Variants in ADAMTSL1 observed in about 807,000 individuals in gnomAD.
The protein encoded by ADAMTSL1 is ADAMTS-like protein 1.
ADAMTSL1 carries 126 observed loss-of-function variants against 201.8 expected under a neutral mutation model. That is an observed-to-expected ratio of 0.62 (90% confidence interval 0.54 to 0.72). The LOEUF (loss-of-function observed/expected upper bound fraction) is 0.72. ADAMTSL1 is among the 30% of genes least tolerant of loss of function. The pLI is 0.00. For synonymous variants in ADAMTSL1, 1,121 were observed against 903.4 expected (o/e 1.24, Z -4.32); for missense variants, 2,679 against 2,277.8 (o/e 1.18, Z -3.59).
At chr9:17,939,869 A>G (rs1357947976) in intron 1 of ADAMTSL1, among the ~76,000 whole-genome samples, 1 of 152,140 alleles carries the variant, frequency 6.6e-6, no homozygotes, top group Non-Finnish European at 1.5e-5. Flanking sequence ...GCCTGAGAGG[A>G]CATGAAGGGG....
intron 14 of ADAMTSL1, among the ~76,000 whole-genome samples, chr9:18,720,582 G>A (rs913647087): frequency 2.0e-5 from 3 of 152,144 alleles, no homozygotes; most frequent in African/African-American, 4.8e-5. Flanking sequence ...TCAGGAGTTC[G>A]AGACAGACTG....
At chr9:18,000,972 G>T (rs1165952629) in intron 1 of ADAMTSL1, among the ~76,000 whole-genome samples, 2 of 152,030 alleles carry the variant, frequency 1.3e-5, no homozygotes, top group Non-Finnish European at 1.5e-5. Flanking sequence ...GAGATGAGAA[G>T]TAGGGGGAAC....
At chr9:18,879,992 A>G (rs1186691798) in intron 23 of ADAMTSL1, among the ~76,000 whole-genome samples, 1 of 152,214 alleles carries the variant, frequency 6.6e-6, no homozygotes, top group African/African-American at 2.4e-5. Flanking sequence ...CCAAGAGTAG[A>G]TTCCATCTCA....
chr9:18,205,229 C>T (rs1407776703), intron 2 of ADAMTSL1, among the ~76,000 whole-genome samples: 1 of 152,112 alleles, frequency 6.6e-6, no homozygotes. Flanking sequence ...CATCAAAAGA[C>T]TTTTAGCATG....
At chr9:18,541,009 C>A (rs543196862) in intron 3 of ADAMTSL1, among the ~76,000 whole-genome samples, 1 of 152,244 alleles carries the variant, frequency 6.6e-6, no homozygotes, top group South Asian at 2.1e-4. Context: ...CTGACCTACC[C>A]AGCTGAAAAA....
intron 2 of ADAMTSL1, among the ~76,000 whole-genome samples, chr9:18,506,811 C>T (rs1308972407): frequency 6.6e-6 from 1 of 152,018 alleles, no homozygotes; most frequent in African/African-American, 2.4e-5. Context: ...GACCAAGAAG[C>T]TTAAAAAATG....
At chr9:18,700,998 G>C (rs1831889593) in intron 13 of ADAMTSL1, among the ~76,000 whole-genome samples, 1 of 152,092 alleles carries the variant, frequency 6.6e-6, no homozygotes, top group Non-Finnish European at 1.5e-5. Flanking sequence ...TTTACAAATA[G>C]ATGCAAAATT....
chr9:18,489,825 A>T lies in ADAMTSL1; in HGVS notation c.64-15004A>T, dbSNP rs577173928. ...CACTTATTTAATTAGACATAAAGAG[A>T]TACTAAATTCCTCTCATCTGTTGAG... On this transcript the variant is annotated intron_variant, in intron 1 of 28. Coordinates refer to ENST00000380548, the MANE Select transcript of ADAMTSL1 (RefSeq NM_001040272.6). Among the ~76,000 whole-genome samples the T allele has an allele frequency of 4.1e-4, 63 of 152,282 alleles. 1 individual carries two copies. In the Middle Eastern group the frequency reaches 0.01, roughly 25 times the overall value.
chr9:18,014,565 G>A (rs937287571), intron 1 of ADAMTSL1, among the ~76,000 whole-genome samples: 3 of 152,056 alleles, frequency 2.0e-5, no homozygotes, highest in Non-Finnish European at 2.9e-5. Flanking sequence ...CAGTTTTAAC[G>A]CAAGTTGGGT....
chr9:18,639,437 T>C, intron 7 of ADAMTSL1, 26 bp downstream of exon 7: 1 of 1,601,174 alleles, frequency 6.2e-7, no homozygotes, highest in Non-Finnish European at 8.5e-7. Flanking sequence ...ATACCTCCTT[T>C]TCAAGCCACA....
rs140024094 is a variant in ADAMTSL1 at position 18,826,339 on chromosome 9, G to A, written c.3990G>A (p.Pro1330=). ...GGAATAAAAGCAAACTGGGCTCCCC[G>A]CACCATCTGCACGAAGGCTCCTTGC... The part of the protein sequence containing the change: ...WFRNKSKLGS[P]HHLHEGSLLL... The change falls in exon 22 of 29, where the codon CCG becomes CCA. Residue 1330 remains proline, a synonymous_variant. Transcript: ENST00000380548. 9.9e-5 allele frequency: 160 copies of A among 1,612,970 alleles called. 2 individuals are homozygous for A. The East Asian group carries it at 3.3e-3, about 33-fold the overall frequency.
At chr9:18,773,447 A>C (rs1798971145) in intron 17 of ADAMTSL1, among the ~76,000 whole-genome samples, 1 of 152,212 alleles carries the variant, frequency 6.6e-6, no homozygotes, top group Non-Finnish European at 1.5e-5. Context: ...AGGAGCTTGA[A>C]AGATCCTATA....
At chr9:18,481,322 A>G (rs1184843820) in intron 1 of ADAMTSL1, among the ~76,000 whole-genome samples, 2 of 152,132 alleles carry the variant, frequency 1.3e-5, no homozygotes, top group African/African-American at 4.8e-5. Context: ...AGGAGGGTGG[A>G]TCACCTGAGG....
intron 4 of ADAMTSL1, 74 bp from the exon 5 acceptor site, chr9:18,622,169 T>C: frequency 5.1e-6 from 8 of 1,565,168 alleles, no homozygotes; most frequent in Non-Finnish European, 6.9e-6. Flanking sequence ...GGTTATTTCA[T>C]GGTGATTGGC....
chr9:18,348,203 C>G (rs1005276462), intron 2 of ADAMTSL1, among the ~76,000 whole-genome samples: 6 of 152,080 alleles, frequency 3.9e-5, no homozygotes, highest in South Asian at 2.1e-4. Context: ...TTATAATGAA[C>G]TTTTAGTTAA....
chr9:18,886,556 T>C (rs1350588567), intron 23 of ADAMTSL1, among the ~76,000 whole-genome samples: 2 of 152,090 alleles, frequency 1.3e-5, no homozygotes, highest in Non-Finnish European at 2.9e-5. Context: ...AGTTCTGGAG[T>C]CTGGCAAGTC....
intron 2 of ADAMTSL1, among the ~76,000 whole-genome samples, chr9:18,333,380 T>C (rs1369117903): frequency 6.6e-6 from 1 of 152,144 alleles, no homozygotes; most frequent in Admixed American, 6.6e-5. Context: ...TGGCACTCAT[T>C]CTCTCTCCTG....
chr9:18,434,408 C>T (rs1819633491), intron 2 of ADAMTSL1, among the ~76,000 whole-genome samples: 1 of 152,096 alleles, frequency 6.6e-6, no homozygotes, highest in South Asian at 2.1e-4. Flanking sequence ...CTACAGTACG[C>T]CTGGAACTAT....
intron 15 of ADAMTSL1, among the ~76,000 whole-genome samples, chr9:18,725,839 A>T (rs956447930): frequency 2.0e-5 from 3 of 152,244 alleles, no homozygotes; most frequent in Non-Finnish European, 4.4e-5. Context: ...AGATATACAA[A>T]TAGATAAAGC....
Sources: gnomAD v4.1 joint callset for allele counts (sites outside exome capture counted in the v4.1 genomes callset) on GRCh38, gnomAD v4.1.1 for gene constraint, MANE v1.5 for transcripts, NCBI Gene and HGNC (gene_info 2026-07-23, HGNC 2026-07-21) for gene names.